The following P4HA1 variants were observed in gnomAD, a reference collection of about 807,000 sequenced individuals.
P4HA1 encodes prolyl 4-hydroxylase subunit alpha-1.
Under a neutral mutation model 72.8 loss-of-function variants are expected in P4HA1, and 24 were observed. The ratio of observed to expected loss-of-function variants is 0.33; its 90% confidence interval spans 0.24 to 0.46. P4HA1 has a LOEUF of 0.46. P4HA1 is among the 20% of genes least tolerant of loss of function. The pLI is 1.00. For missense variants in P4HA1, 446 were observed against 640.6 expected (o/e 0.70, Z 3.28); for synonymous variants, 201 against 218.8 (o/e 0.92, Z 0.72).
chr10:73,031,720 T>C (rs2133064699), intron 9 of P4HA1, among the ~76,000 whole-genome samples: 1 of 152,284 alleles, frequency 6.6e-6, no homozygotes, highest in East Asian at 1.9e-4. Context: ...GAACTAGACA[T>C]TGGTTATAGT....
chr10:73,048,547 G>A (rs1408542103), intron 7 of P4HA1, among the ~76,000 whole-genome samples: 1 of 152,158 alleles, frequency 6.6e-6, no homozygotes, highest in Non-Finnish European at 1.5e-5. Flanking sequence ...TTACAGGCAT[G>A]AGCCATCGTG....
At chr10:73,077,052 A>G (rs867601200) in intron 1 of P4HA1, among the ~76,000 whole-genome samples, 1 of 152,208 alleles carries the variant, frequency 6.6e-6, no homozygotes, top group African/African-American at 2.4e-5. Context: ...AAGGAAATAC[A>G]CTGCTCTTTT....
intron 9 of P4HA1, chr10:73,043,848 G>T: frequency 7.1e-7 from 1 of 1,407,488 alleles, no homozygotes; most frequent in Non-Finnish European, 1.0e-6. Context: ...GAAAGAAATG[G>T]TCCAAATATG....
At chr10:73,059,126 A>G (rs1841235999) in intron 5 of P4HA1, among the ~76,000 whole-genome samples, 2 of 152,004 alleles carry the variant, frequency 1.3e-5, no homozygotes, top group African/African-American at 2.4e-5. Context: ...GAGTAGATAT[A>G]TATTTGCTTG....
chr10:73,072,341 C>T (rs980785697), intron 3 of P4HA1, among the ~76,000 whole-genome samples, 161 bp from the exon 4 acceptor site: 1 of 152,128 alleles, frequency 6.6e-6, no homozygotes, highest in Admixed American at 6.6e-5. Flanking sequence ...CTTTAAAAAG[C>T]GACATCCTCT....
intron 10 of P4HA1, among the ~76,000 whole-genome samples, chr10:73,017,102 TATATCTACA>T (rs1447842722): frequency 4.6e-5 from 7 of 151,234 alleles, no homozygotes; most frequent in African/African-American, 1.2e-4. Flanking sequence ...TGTACAGATC[TATATCTACA>T]GATGTATATA....
chr10:73,051,482 A>G (rs533421738), intron 6 of P4HA1, among the ~76,000 whole-genome samples: 5 of 152,196 alleles, frequency 3.3e-5, no homozygotes, highest in Non-Finnish European at 7.3e-5. Context: ...GTTCTGGGCC[A>G]GGCCTGGTGG....
At chr10:73,035,623 GTTATAAACAATA>G (rs1284647127) in intron 9 of P4HA1, among the ~76,000 whole-genome samples, 1 of 152,118 alleles carries the variant, frequency 6.6e-6, no homozygotes, top group Non-Finnish European at 1.5e-5. Context: ...ATTTTTCTCT[GTTATAAACAATA>G]TTGTAACAAA....
chr10:73,016,571 G>C (rs1330831595), intron 11 of P4HA1, among the ~76,000 whole-genome samples: 1 of 152,236 alleles, frequency 6.6e-6, no homozygotes, highest in Non-Finnish European at 1.5e-5. Flanking sequence ...GAGGTCAGAA[G>C]TTCAAGACCA....
At chr10:73,086,064 CTCTGATACA>C (rs1288599979) in intron 1 of P4HA1, among the ~76,000 whole-genome samples, 1 of 152,230 alleles carries the variant, frequency 6.6e-6, no homozygotes, top group African/African-American at 2.4e-5. Context: ...GAAACTGGAA[CTCTGATACA>C]TTGCTGGTAA....
chr10:73,044,021 G>C (rs1840797016), intron 9 of P4HA1: 1 of 1,263,430 alleles, frequency 7.9e-7, no homozygotes, highest in Admixed American at 1.8e-5. Context: ...CTTTTTGTTT[G>C]TTTTGTTTTG....
chr10:73,081,625 A>C (rs1401872280), intron 1 of P4HA1, among the ~76,000 whole-genome samples: 1 of 152,218 alleles, frequency 6.6e-6, no homozygotes, highest in Non-Finnish European at 1.5e-5. Flanking sequence ...CAAACCTGGG[A>C]ACAGATCTTA....
rs765489216 is a variant in P4HA1 at position 73,042,647 on chromosome 10, CTT to C, written c.1148+2332_1148+2333del. Reference sequence around the variant, plus strand: ...TTTTTAATACTTGGACATTTTACATCTTTTTTTTTTTTCTTGATGTTATAGTT... The same window carrying C: ...TTTTTAATACTTGGACATTTTACATCTTTTTTTTTTCTTGATGTTATAGTT... On this transcript the variant is annotated intron_variant, in intron 9 of 14. Coordinates refer to ENST00000394890, the MANE Select transcript of P4HA1 (RefSeq NM_001017962.3). Among the ~76,000 whole-genome samples, 23 of 146,394 alleles carry C rather than the reference CTT, an allele frequency of 1.6e-4. No homozygotes were observed. In the South Asian group the frequency reaches 5.0e-3, roughly 32 times the overall value.
At position 73,072,102 on chromosome 10, in the gene P4HA1, T is replaced by A. The variant is rs763883679; in HGVS notation, c.252A>T (p.Ala84=). 2 of 1,613,056 alleles carry A rather than the reference T, an allele frequency of 1.2e-6. No individual in the cohort carries two copies. The highest frequency in any genetic ancestry group is 1.7e-6 in the Non-Finnish European group (2 of 1,179,058). ...TATTCAGACGTTTCATTAATTTGAA[T>A]GCATTTACTGGATGCCCAACAAATC... is the stretch of plus-strand genomic sequence containing the variant. The part of the protein sequence containing the change: ...PEGFVGHPVN[A]FKLMKRLNTE... The change falls in exon 4 of 15, where the codon GCA becomes GCT. Residue 84 remains alanine, a synonymous_variant. Coordinates refer to ENST00000394890, the MANE Select transcript of P4HA1 (RefSeq NM_001017962.3).
At chr10:73,016,495 G>A (rs986066439) in intron 11 of P4HA1, among the ~76,000 whole-genome samples, 2 of 152,190 alleles carry the variant, frequency 1.3e-5, no homozygotes, top group Non-Finnish European at 2.9e-5. Context: ...AATGTAATGC[G>A]GCCGGGCACA....
chr10:73,090,645 T>C (rs1345234920), intron 1 of P4HA1, among the ~76,000 whole-genome samples: 1 of 150,808 alleles, frequency 6.6e-6, no homozygotes, highest in East Asian at 1.9e-4. Context: ...GTTTTACTTA[T>C]TACTATCACT....
chr10:73,039,854 CTTTTTTT>C (rs765288935), intron 9 of P4HA1, among the ~76,000 whole-genome samples: 6 of 86,998 alleles, frequency 6.9e-5, no homozygotes, highest in African/African-American at 2.1e-4. Context: ...CTGAGATGGC[CTTTTTTT>C]TTTTTTTTTT....
chr10:73,007,748 A>AC lies in P4HA1; in HGVS notation c.*473dup, dbSNP rs200648505. 1.1e-3 allele frequency: 159 copies of AC among 150,228 alleles called. 2 individuals are homozygous for AC. In the East Asian group the frequency reaches 0.029, roughly 27 times the overall value. 9.3% of individuals were successfully genotyped at this position (150,228 alleles called of 1,614,324 possible). On this transcript the variant is annotated 3_prime_UTR_variant, in exon 15 of 15. Coordinates refer to ENST00000394890, the MANE Select transcript of P4HA1 (RefSeq NM_001017962.3). ...TCATATGAAAGGGCAATCACATGGA[A>AC]CCCAGTTAGTGTCCTAGTTTATTAC...
intron 9 of P4HA1, among the ~76,000 whole-genome samples, chr10:73,033,056 A>G (rs1840476855): frequency 6.6e-6 from 1 of 152,078 alleles, no homozygotes; most frequent in Admixed American, 6.6e-5. Flanking sequence ...TATATTAAGA[A>G]TTTTTTTCTT....
Sources: gnomAD v4.1 joint callset for allele counts (sites outside exome capture counted in the v4.1 genomes callset) on GRCh38, gnomAD v4.1.1 for gene constraint, MANE v1.5 for transcripts, NCBI Gene and HGNC (gene_info 2026-07-23, HGNC 2026-07-21) for gene names.